Variants in ENOX1 observed in about 807,000 individuals in gnomAD.
ENOX1 encodes the protein candidate growth-related and time keeping constitutive hydroquinone (NADH) oxidase.
Under a neutral mutation model 82.5 loss-of-function variants are expected in ENOX1, and 42 were observed. That is an observed-to-expected ratio of 0.51 (90% CI 0.40 to 0.66). The LOEUF (loss-of-function observed/expected upper bound fraction) is 0.66, where lower values mean the gene tolerates loss of function less well. ENOX1 is among the 30% of genes least tolerant of loss of function. The pLI is 0.00. For missense variants in ENOX1, 608 were observed against 811.6 expected, an observed-to-expected ratio of 0.75 and a Z score of 3.05; for synonymous variants, 271 against 282.2, an observed-to-expected ratio of 0.96 and a Z score of 0.40.
chr13:43,683,516 C>G (rs1188310232), intron 1 of ENOX1, among the ~76,000 whole-genome samples: 1 of 152,118 alleles, frequency 6.6e-6, no homozygotes. Context: ...AATACACCAA[C>G]TTCAGTTGGG....
chr13:43,308,780 C>A lies in ENOX1; in HGVS notation c.1262-10250G>T, dbSNP rs540771689. 5.9e-5 allele frequency among the ~76,000 whole-genome samples: 9 copies of A among 152,222 alleles called. No homozygotes were observed. In the South Asian group the frequency reaches 1.9e-3, roughly 32 times the overall value. ...TGTGCAGACGGGGCTGTGAACCACA[C>A]ATTCACACCTTCTGCTCTACACCAG... On this transcript the variant is annotated intron_variant, in intron 11 of 16. Coordinates refer to ENST00000690772, the MANE Select transcript of ENOX1 (RefSeq NM_001347969.2).
chr13:43,475,325 G>A (rs551799138), intron 3 of ENOX1, among the ~76,000 whole-genome samples: 7 of 152,252 alleles, frequency 4.6e-5, no homozygotes, highest in South Asian at 4.1e-4. Context: ...GATGGCCAGC[G>A]GAGCAGCAAT....
intron 1 of ENOX1, among the ~76,000 whole-genome samples, chr13:43,675,991 T>C (rs1202608563): frequency 6.6e-6 from 1 of 152,152 alleles, no homozygotes; most frequent in Non-Finnish European, 1.5e-5. Flanking sequence ...AGTATTAAGG[T>C]ATATTGTGGC....
At chr13:43,711,156 G>A (rs1173147551) in intron 1 of ENOX1, among the ~76,000 whole-genome samples, 1 of 145,660 alleles carries the variant, frequency 6.9e-6, no homozygotes, top group African/African-American at 2.6e-5. Context: ...ACCTAGGAGT[G>A]AGAACATGCG....
intron 2 of ENOX1, among the ~76,000 whole-genome samples, chr13:43,559,742 A>G (rs1349219047): frequency 6.6e-6 from 1 of 152,176 alleles, no homozygotes; most frequent in Non-Finnish European, 1.5e-5. Flanking sequence ...GGTTAGCAAG[A>G]TGTGTTTATA....
chr13:43,292,227 C>T (rs557074303), intron 12 of ENOX1, among the ~76,000 whole-genome samples: 7 of 152,050 alleles, frequency 4.6e-5, no homozygotes, highest in East Asian at 1.9e-4. Context: ...CCATAAAATA[C>T]GAATAAGATT....
intron 8 of ENOX1, among the ~76,000 whole-genome samples, chr13:43,352,267 C>T (rs1317120649): frequency 2.0e-5 from 3 of 152,192 alleles, no homozygotes; most frequent in African/African-American, 7.2e-5. Flanking sequence ...CAGGACGTCA[C>T]CTAATTCAGA....
At position 43,603,333 on chromosome 13, in the gene ENOX1, T is replaced by C. The variant is rs1246578625; in HGVS notation, c.-219+64146A>G. Among the ~76,000 whole-genome samples the C allele has an allele frequency of 2.6e-5, 4 of 151,816 alleles. No individual in the cohort carries two copies. In the East Asian group the frequency reaches 7.8e-4, roughly 29 times the overall value. On this transcript the variant is annotated intron_variant, in intron 2 of 16. Coordinates refer to ENST00000690772, the MANE Select transcript of ENOX1 (RefSeq NM_001347969.2). Reference sequence around the variant, plus strand: ...TTTAATAATAATGATACCAATGGGATGGCAAAATGGTTCCAGCTGCTTTTT... The same window carrying C: ...TTTAATAATAATGATACCAATGGGACGGCAAAATGGTTCCAGCTGCTTTTT...
At chr13:43,781,227 C>A (rs527242962) in intron 1 of ENOX1, among the ~76,000 whole-genome samples, 11 of 152,264 alleles carry the variant, frequency 7.2e-5, no homozygotes, top group African/African-American at 2.6e-4. Context: ...ACTATCCACA[C>A]AAATGAAGCT....
At chr13:43,341,917 G>A (rs771911203) in intron 9 of ENOX1, among the ~76,000 whole-genome samples, 24 of 152,094 alleles carry the variant, frequency 1.6e-4, no homozygotes, top group African/African-American at 3.6e-4. Flanking sequence ...TGGATTTTTG[G>A]GCAAGTTTGC....
chr13:43,560,179 T>C (rs1175020673), intron 2 of ENOX1, among the ~76,000 whole-genome samples: 1 of 152,202 alleles, frequency 6.6e-6, no homozygotes, highest in Non-Finnish European at 1.5e-5. Flanking sequence ...ATCATTGACA[T>C]AGATGGGTTT....
Position 43,286,308 on chromosome 13 carries a change from T to C in ENOX1, c.1446+12038A>G, listed in dbSNP as rs116282720. On this transcript the variant is annotated intron_variant, in intron 12 of 16. Coordinates refer to ENST00000690772, the MANE Select transcript of ENOX1 (RefSeq NM_001347969.2). ...TGTATTACATTTAAGAAAAGATCCA[T>C]TTCACTATAAATCTCGTACTCATCA... 5.4e-3 allele frequency among the ~76,000 whole-genome samples: 823 copies of C among 152,290 alleles called. 8 individuals carry two copies. Among genetic ancestry groups the C allele is most frequent in the African/African-American group, 0.019 (799 of 41,562 alleles).
chr13:43,226,088 T>C (rs1322861652), intron 15 of ENOX1, among the ~76,000 whole-genome samples: 1 of 152,186 alleles, frequency 6.6e-6, no homozygotes, highest in Non-Finnish European at 1.5e-5. Context: ...TTTACTTATA[T>C]TTTAATTTTA....
rs1427950464 is a variant in ENOX1 at position 43,347,771 on chromosome 13, T to C, written c.824-3021A>G. ...AAAAATCACATCAAACATGCACTTA[T>C]AAAAATTCCAAATACTTTCTGTGAA... On this transcript the variant is annotated intron_variant, in intron 8 of 16. Coordinates refer to ENST00000690772, the MANE Select transcript of ENOX1 (RefSeq NM_001347969.2). Among the ~76,000 whole-genome samples the C allele has an allele frequency of 2.0e-5, 3 of 152,228 alleles. No homozygotes were observed. In the East Asian group the frequency reaches 5.8e-4, roughly 29 times the overall value.
At chr13:43,404,680 C>T (rs990972737) in intron 5 of ENOX1, among the ~76,000 whole-genome samples, 5 of 152,174 alleles carry the variant, frequency 3.3e-5, no homozygotes, top group African/African-American at 9.7e-5. Flanking sequence ...CATCACTGGT[C>T]GGTCAGGCCA....
intron 2 of ENOX1, among the ~76,000 whole-genome samples, chr13:43,543,343 A>G (rs550861384): frequency 6.6e-6 from 1 of 152,312 alleles, no homozygotes; most frequent in East Asian, 1.9e-4. Flanking sequence ...TTGTTTTGGT[A>G]AGCTAGAACA....
chr13:43,542,931 G>C (rs1412461750), intron 2 of ENOX1, among the ~76,000 whole-genome samples: 1 of 152,130 alleles, frequency 6.6e-6, no homozygotes. Context: ...GCTCTCTAGG[G>C]CCTCTTTTAT....
chr13:43,379,879 TC>T (rs1186584503), intron 5 of ENOX1, among the ~76,000 whole-genome samples: 10 of 151,518 alleles, frequency 6.6e-5, no homozygotes, highest in African/African-American at 2.4e-4. Context: ...TTACTTAAAA[TC>T]AATGATAAAG....
intron 5 of ENOX1, among the ~76,000 whole-genome samples, chr13:43,401,079 T>C (rs991919015): frequency 6.6e-6 from 1 of 151,904 alleles, no homozygotes. Context: ...TGCAAGATAT[T>C]AGAGTATTTG....
Sources: allele counts gnomAD v4.1 joint callset (sites outside exome capture counted in the v4.1 genomes callset), GRCh38; gene constraint gnomAD v4.1.1; transcripts MANE v1.5; gene names NCBI Gene and HGNC (gene_info 2026-07-23, HGNC 2026-07-21).